Variants in DAB1 observed in about 807,000 individuals in gnomAD.
DAB1 encodes DAB adaptor protein 1, also known as disabled homolog 1.
A neutral mutation model predicts 64.6 loss-of-function variants in DAB1; 15 were observed. That is an observed-to-expected ratio of 0.23 (90% CI 0.16 to 0.36). DAB1 has a LOEUF of 0.36. Among genes scored for constraint, DAB1 ranks in the 10% least tolerant of loss-of-function variants. DAB1 has a pLI of 1.00. For synonymous variants in DAB1, 235 were observed against 251.9 expected, an observed-to-expected ratio of 0.93 and a Z score of 0.64; for missense variants, 596 against 706.7, an observed-to-expected ratio of 0.84 and a Z score of 1.78.
intron 5 of DAB1, among the ~76,000 whole-genome samples, chr1:57,927,367 G>A (rs1458916472): frequency 6.6e-6 from 1 of 152,018 alleles, no homozygotes; most frequent in Non-Finnish European, 1.5e-5. Flanking sequence ...CACCAGGCTT[G>A]AAAGAACCAA....
chr1:58,123,248 G>A (rs1481953202), intron 5 of DAB1, among the ~76,000 whole-genome samples: 1 of 152,086 alleles, frequency 6.6e-6, no homozygotes, highest in Non-Finnish European at 1.5e-5. Context: ...GTCCCCAGCT[G>A]TGTTTCCCAA....
chr1:58,269,464 G>T (rs1008115244), intron 4 of DAB1, among the ~76,000 whole-genome samples: 1 of 150,040 alleles, frequency 6.7e-6, no homozygotes, highest in Admixed American at 6.7e-5. Flanking sequence ...GAATAATGCC[G>T]CAATAAACAT....
At chr1:57,590,808 G>A (rs372481154) in intron 7 of DAB1, among the ~76,000 whole-genome samples, 5 of 147,900 alleles carry the variant, frequency 3.4e-5, no homozygotes, top group African/African-American at 1.3e-4. Context: ...CTTACCCTAT[G>A]ACCAACAATT....
intron 4 of DAB1, among the ~76,000 whole-genome samples, chr1:57,092,017 A>T (rs574629410): frequency 1.3e-5 from 2 of 152,268 alleles, no homozygotes; most frequent in South Asian, 2.1e-4. Context: ...CTTGCATTTC[A>T]TCTCTCTTTG....
Position 57,053,660 on chromosome 1 carries a change from C to CTCTCTCTATA in DAB1, c.723+9223_723+9224insTATAGAGAGA, listed in dbSNP as rs1399510534. ...TCTAAGAATCTCTCTCTCTCTCTCTCTATATGTATATATATATATATATAT... is the reference window on the plus strand; with the variant it reads ...TCTAAGAATCTCTCTCTCTCTCTCTCTCTCTCTATATATATGTATATATATATATATATAT... On this transcript the variant is annotated intron_variant, in intron 9 of 14. Transcript: ENST00000371236. Among the ~76,000 whole-genome samples, 130 of 116,670 alleles carry CTCTCTCTATA rather than the reference C, an allele frequency of 1.1e-3. 1 individual carries two copies. Among genetic ancestry groups the CTCTCTCTATA allele is most frequent in the African/African-American group, 4.2e-3 (126 of 30,122 alleles). 76.5% of individuals were successfully genotyped at this position (116,670 alleles called of 152,430 possible).
At chr1:57,354,986 A>G (rs1476521866) in intron 1 of DAB1, among the ~76,000 whole-genome samples, 2 of 152,138 alleles carry the variant, frequency 1.3e-5, no homozygotes, top group Non-Finnish European at 2.9e-5. Context: ...GTGAATTCCT[A>G]AGGGCCACCC....
intron 1 of DAB1, among the ~76,000 whole-genome samples, chr1:57,874,658 T>C (rs998307737): frequency 6.6e-6 from 1 of 152,086 alleles, no homozygotes; most frequent in Non-Finnish European, 1.5e-5. Flanking sequence ...CAGGGGAGCA[T>C]GACAAGATTT....
chr1:57,747,070 T>A (rs939883492), intron 6 of DAB1, among the ~76,000 whole-genome samples: 1 of 152,238 alleles, frequency 6.6e-6, no homozygotes, highest in African/African-American at 2.4e-5. Context: ...AGTCTTATCC[T>A]TTATATGTTA....
At chr1:57,557,015 T>C (rs1644997023) in intron 7 of DAB1, among the ~76,000 whole-genome samples, 2 of 152,156 alleles carry the variant, frequency 1.3e-5, no homozygotes, top group Non-Finnish European at 2.9e-5. Flanking sequence ...TAGGGTGCCC[T>C]TTCCCCACTG....
intron 7 of DAB1, among the ~76,000 whole-genome samples, chr1:57,594,940 G>C (rs1194555626): frequency 1.3e-5 from 2 of 151,980 alleles, no homozygotes; most frequent in African/African-American, 2.4e-5. Flanking sequence ...TCGATCTCCT[G>C]ACCTCATGAT....
chr1:57,867,928 G>A (rs12134027), intron 1 of DAB1, among the ~76,000 whole-genome samples: 4,402 of 152,172 alleles, frequency 0.029, 101 homozygotes, highest in East Asian at 0.13. Context: ...AATGGCACGG[G>A]GTGTGCTTGA....
At chr1:57,133,664 T>G (rs1294822491) in intron 4 of DAB1, among the ~76,000 whole-genome samples, 1 of 152,168 alleles carries the variant, frequency 6.6e-6, no homozygotes, top group Non-Finnish European at 1.5e-5. Context: ...AGGGTCTCTT[T>G]AATTGGGATC....
At chr1:57,761,036 T>C (rs976325058) in intron 6 of DAB1, among the ~76,000 whole-genome samples, 2 of 152,190 alleles carry the variant, frequency 1.3e-5, no homozygotes, top group African/African-American at 4.8e-5. Flanking sequence ...TCTTTCCCAT[T>C]CTCTAAGCTT....
At chr1:57,790,409 C>T (rs1199223519) in intron 6 of DAB1, among the ~76,000 whole-genome samples, 1 of 152,146 alleles carries the variant, frequency 6.6e-6, no homozygotes, top group East Asian at 1.9e-4. Flanking sequence ...CCTGAGGCTT[C>T]CCCAGCCCTG....
intron 6 of DAB1, among the ~76,000 whole-genome samples, chr1:57,667,918 C>T (rs1217889691): frequency 2.6e-5 from 4 of 151,892 alleles, no homozygotes; most frequent in African/African-American, 9.7e-5. Context: ...GGACAAATAC[C>T]TCATGCATGT....
intron 2 of DAB1, among the ~76,000 whole-genome samples, chr1:58,525,154 A>G (rs1646329908): frequency 6.6e-6 from 1 of 152,194 alleles, no homozygotes; most frequent in African/African-American, 2.4e-5. Context: ...GTTTTATGGT[A>G]AAAAATTATA....
At chr1:58,349,274 A>C (rs1375561089) in intron 3 of DAB1, among the ~76,000 whole-genome samples, 1 of 152,180 alleles carries the variant, frequency 6.6e-6, no homozygotes, top group Non-Finnish European at 1.5e-5. Context: ...ATACTGAAGT[A>C]CCTGTATCTG....
intron 6 of DAB1, among the ~76,000 whole-genome samples, chr1:57,662,992 G>A (rs1646404630): frequency 1.3e-5 from 2 of 152,108 alleles, no homozygotes; most frequent in Non-Finnish European, 2.9e-5. Flanking sequence ...TCTCTTAAAG[G>A]TGGTGTATTA....
intron 7 of DAB1, among the ~76,000 whole-genome samples, chr1:57,482,853 T>C (rs1250332804): frequency 6.6e-6 from 1 of 152,182 alleles, no homozygotes; most frequent in Non-Finnish European, 1.5e-5. Flanking sequence ...GGTTAATAAC[T>C]TGCTCACGTT....
Sources: gnomAD v4.1 joint callset for allele counts (sites outside exome capture counted in the v4.1 genomes callset) on GRCh38, gnomAD v4.1.1 for gene constraint, MANE v1.5 for transcripts, NCBI Gene and HGNC (gene_info 2026-07-23, HGNC 2026-07-21) for gene names.